The following FHOD3 variants were observed in gnomAD, a reference collection of about 807,000 sequenced individuals.
FHOD3 encodes the protein formin homology 2 domain containing 3, also known as FH1/FH2 domain-containing protein 3.
A neutral mutation model predicts 173.0 loss-of-function variants in FHOD3; 90 were observed. That is an observed-to-expected ratio of 0.52 (90% confidence interval 0.44 to 0.62). The LOEUF (loss-of-function observed/expected upper bound fraction) is 0.62, where lower values mean the gene tolerates loss of function less well. Ranked by LOEUF, FHOD3 falls within the 20% of genes least tolerant of loss-of-function variation. FHOD3 has a pLI of 0.00. For missense variants in FHOD3, 1,945 were observed against 2,034.7 expected, an observed-to-expected ratio of 0.96 and a Z score of 0.85; for synonymous variants, 828 against 823.0, an observed-to-expected ratio of 1.01 and a Z score of -0.10.
chr18:36,615,399 G>A (rs968713144), intron 9 of FHOD3, among the ~76,000 whole-genome samples: 11 of 151,478 alleles, frequency 7.3e-5, no homozygotes, highest in African/African-American at 2.4e-5. Context: ...ATATGAAAAA[G>A]CATAAGAGAA....
intron 19 of FHOD3, among the ~76,000 whole-genome samples, chr18:36,718,944 A>ATT (rs2040611403): frequency 6.6e-6 from 1 of 152,208 alleles, no homozygotes; most frequent in Non-Finnish European, 1.5e-5. Flanking sequence ...ATATTAGGCA[A>ATT]AGGAGCTTTC....
chr18:36,762,838 A>AAATATATAATCATATATATTATATACAT (rs1600611647), intron 27 of FHOD3, among the ~76,000 whole-genome samples: 4 of 148,002 alleles, frequency 2.7e-5, no homozygotes, highest in African/African-American at 4.9e-5. Context: ...TATATATTAT[A>AAATATATAATCATATATATTATATACAT]AATATATAAT....
chr18:36,721,948 C>G (rs1307610716), intron 19 of FHOD3, among the ~76,000 whole-genome samples: 1 of 152,184 alleles, frequency 6.6e-6, no homozygotes, highest in Non-Finnish European at 1.5e-5. Context: ...TTGGGCATGG[C>G]TGTGACTAAG....
intron 3 of FHOD3, among the ~76,000 whole-genome samples, chr18:36,442,925 G>C (rs2051237735): frequency 6.6e-6 from 1 of 152,098 alleles, no homozygotes. Flanking sequence ...TCATGACCTT[G>C]ACTCATATGA....
chr18:36,533,593 C>T (rs1219258541), intron 5 of FHOD3, among the ~76,000 whole-genome samples: 1 of 152,172 alleles, frequency 6.6e-6, no homozygotes, highest in African/African-American at 2.4e-5. Flanking sequence ...TTTTAATGGT[C>T]TCCCGATGAG....
intron 3 of FHOD3, among the ~76,000 whole-genome samples, chr18:36,447,488 T>TTTTG (rs113513378): frequency 0.27 from 41,172 of 151,618 alleles, 6,911 homozygotes; most frequent in East Asian, 0.56. Flanking sequence ...GCTGGTTTTG[T>TTTTG]TTTGTTTGTT....
In FHOD3 at chr18:36,769,419, GAA is replaced by G; in HGVS notation, c.4781_4782del (p.Lys1594IlefsTer106). On this transcript the variant is annotated frameshift_variant, in exon 28 of 29. Transcript: ENST00000590592. LOFTEE classifies it high-confidence loss of function. The stretch of plus-strand genomic sequence containing the variant: ...AGAGGAAACGATCCCGGGCCAACCG[GAA>G]ATCTTGTGAGTGCATTAAAGGAGGG... ...RERKRSRANR[K>X]SLRRTLKSGL... is the part of the protein sequence containing the mutation. 2 of 1,614,056 alleles carry G rather than the reference GAA, an allele frequency of 1.2e-6. No homozygotes were observed. The highest frequency in any genetic ancestry group is 1.7e-6 in the Non-Finnish European group (2 of 1,179,994).
chr18:36,756,581 C>G (rs1224507070), intron 25 of FHOD3, among the ~76,000 whole-genome samples: 2 of 152,126 alleles, frequency 1.3e-5, no homozygotes, highest in Admixed American at 1.3e-4. Flanking sequence ...ATGTAGTCAG[C>G]CAAGCAGAGG....
At position 36,758,584 on chromosome 18, in the gene FHOD3, A is replaced by G. The variant is rs376184255; in HGVS notation, c.4426-534A>G. Among the ~76,000 whole-genome samples, 34 of 152,292 alleles carry G rather than the reference A, an allele frequency of 2.2e-4. No homozygotes were observed. In the East Asian group the frequency reaches 5.4e-3, roughly 24 times the overall value. On this transcript the variant is annotated intron_variant, in intron 25 of 28. Transcript: ENST00000590592. Reference sequence around the variant, plus strand: ...TCCTGGCTGGCCTGCATATGGAAGGACCAGCGGTAGCCCAGAACCAGCAGC... The same window carrying G: ...TCCTGGCTGGCCTGCATATGGAAGGGCCAGCGGTAGCCCAGAACCAGCAGC...
intron 28 of FHOD3, among the ~76,000 whole-genome samples, chr18:36,776,521 G>A (rs1397106997): frequency 6.6e-6 from 1 of 152,172 alleles, no homozygotes; most frequent in African/African-American, 2.4e-5. Context: ...ACAAAGGGAA[G>A]GTTTCAGATT....
chr18:36,677,235 T>C (rs2037924165), intron 14 of FHOD3, among the ~76,000 whole-genome samples: 2 of 152,094 alleles, frequency 1.3e-5, no homozygotes, highest in Admixed American at 6.6e-5. Flanking sequence ...CTATGCTCAC[T>C]GCAACCTCCA....
chr18:36,506,963 G>A (rs1014824460), intron 4 of FHOD3, among the ~76,000 whole-genome samples: 2 of 152,186 alleles, frequency 1.3e-5, no homozygotes, highest in Non-Finnish European at 2.9e-5. Flanking sequence ...ATAAAATATA[G>A]TGTATAGTAG....
intron 5 of FHOD3, among the ~76,000 whole-genome samples, chr18:36,528,104 A>G (rs1290729515): frequency 6.6e-6 from 1 of 152,124 alleles, no homozygotes; most frequent in Non-Finnish European, 1.5e-5. Context: ...CACCTCTTAC[A>G]GTGCCTGGTG....
intron 24 of FHOD3, among the ~76,000 whole-genome samples, chr18:36,752,660 A>G (rs1267900271): frequency 3.9e-5 from 6 of 152,112 alleles, no homozygotes; most frequent in Non-Finnish European, 8.8e-5. Flanking sequence ...TCAGACCTTT[A>G]CTTGTTTGTT....
At chr18:36,686,642 A>T (rs933411321) in intron 15 of FHOD3, among the ~76,000 whole-genome samples, 11 of 44,502 alleles carry the variant, frequency 2.5e-4, no homozygotes, top group Non-Finnish European at 4.7e-4. Context: ...TGGAAATAAA[A>T]AAAAAAAAAA....
At chr18:36,659,340 C>G (rs908153586) in intron 14 of FHOD3, among the ~76,000 whole-genome samples, 1 of 152,164 alleles carries the variant, frequency 6.6e-6, no homozygotes, top group Non-Finnish European at 1.5e-5. Context: ...TAAGTTAGGT[C>G]TTGATAATAA....
intron 10 of FHOD3, among the ~76,000 whole-genome samples, chr18:36,637,608 G>T (rs1431596704): frequency 2.6e-5 from 4 of 152,200 alleles, no homozygotes; most frequent in African/African-American, 4.8e-5. Context: ...GAATACAGTG[G>T]TGAACATGAA....
intron 3 of FHOD3, among the ~76,000 whole-genome samples, chr18:36,479,596 AGT>A (rs1491447484): frequency 1.4e-5 from 1 of 72,864 alleles, no homozygotes; most frequent in Non-Finnish European, 2.3e-5. Context: ...TGTACTATAA[AGT>A]ATATATATAT....
At chr18:36,595,701 G>C (rs1018867017) in intron 7 of FHOD3, among the ~76,000 whole-genome samples, 1 of 152,190 alleles carries the variant, frequency 6.6e-6, no homozygotes, top group Non-Finnish European at 1.5e-5. Flanking sequence ...GGCGAAGAAC[G>C]AGCTTCTGCT....
Sources: allele counts gnomAD v4.1 joint callset (sites outside exome capture counted in the v4.1 genomes callset), GRCh38; gene constraint gnomAD v4.1.1; transcripts MANE v1.5; gene names NCBI Gene and HGNC (gene_info 2026-07-23, HGNC 2026-07-21).